The following RHOJ variants were observed in gnomAD, a reference collection of about 807,000 sequenced individuals.
RHOJ encodes rho-related GTP-binding protein RhoJ.
A neutral mutation model predicts 23.4 loss-of-function variants in RHOJ; 11 were observed. That is an observed-to-expected ratio of 0.47 (90% CI 0.30 to 0.78). The LOEUF (loss-of-function observed/expected upper bound fraction) is 0.78, where lower values mean the gene tolerates loss of function less well. Among genes scored for constraint, RHOJ ranks in the 30% least tolerant of loss-of-function variants. The pLI is 0.08. For missense variants in RHOJ, 254 were observed against 273.4 expected (o/e 0.93, Z 0.50); for synonymous variants, 102 against 102.7 (o/e 0.99, Z 0.04).
intron 1 of RHOJ, among the ~76,000 whole-genome samples, chr14:63,205,420 C>T (rs1894087719): frequency 6.6e-6 from 1 of 152,150 alleles, no homozygotes; most frequent in Admixed American, 6.5e-5. Context: ...AAAAGAATCA[C>T]CACTAGACAC....
At chr14:63,268,842 G>GTA (rs1383022788) in intron 1 of RHOJ, among the ~76,000 whole-genome samples, 1 of 152,220 alleles carries the variant, frequency 6.6e-6, no homozygotes, top group Non-Finnish European at 1.5e-5. Context: ...GGATCAGTGG[G>GTA]TAGCCCACAG....
At chr14:63,230,926 C>T (rs150704272) in intron 1 of RHOJ, among the ~76,000 whole-genome samples, 4,170 of 147,642 alleles carry the variant, frequency 0.028, 200 homozygotes, top group African/African-American at 0.1. Context: ...CTGCAACCTC[C>T]GCCTCCTGGG....
chr14:63,281,227 A>C lies in RHOJ; in HGVS notation c.402+92A>C, dbSNP rs1594777660. The stretch of plus-strand genomic sequence containing the variant: ...TGAACATCCTATTCTGCCAAACGCT[A>C]TGGAAGTGTGTCTCAGACATGTCAA... On this transcript the variant is annotated intron_variant, in intron 3 of 4. Coordinates refer to ENST00000316754, the MANE Select transcript of RHOJ (RefSeq NM_020663.5). 21 of 1,255,482 alleles carry C rather than the reference A, an allele frequency of 1.7e-5. No individual in the cohort carries two copies. In the East Asian group the frequency reaches 5.1e-4, roughly 30 times the overall value. The allele number at this position is 1,255,482 out of a possible 1,614,324, so 77.8% of individuals were successfully genotyped here. A position where few individuals can be genotyped will look rare whatever the true frequency, so the allele number is the denominator to read the frequency against.
intron 1 of RHOJ, among the ~76,000 whole-genome samples, chr14:63,224,414 G>T (rs1274623765): frequency 6.6e-6 from 1 of 152,106 alleles, no homozygotes; most frequent in Admixed American, 6.6e-5. Flanking sequence ...GGGTAGAAAT[G>T]CCTCCAAGCT....
chr14:63,206,809 C>T (rs572868577), intron 1 of RHOJ, among the ~76,000 whole-genome samples: 13 of 152,250 alleles, frequency 8.5e-5, no homozygotes, highest in African/African-American at 2.9e-4. Context: ...TTAAAGATTT[C>T]GGCTAGTCTA....
At chr14:63,239,367 C>T (rs958534375) in intron 1 of RHOJ, among the ~76,000 whole-genome samples, 2 of 152,170 alleles carry the variant, frequency 1.3e-5, no homozygotes, top group Non-Finnish European at 1.5e-5. Context: ...CCGCCTCAGC[C>T]TCCCAAAGTG....
chr14:63,220,715 T>C (rs1271768534), intron 1 of RHOJ, among the ~76,000 whole-genome samples: 1 of 152,178 alleles, frequency 6.6e-6, no homozygotes, highest in African/African-American at 2.4e-5. Flanking sequence ...ATGCGGTTCC[T>C]CAAGTAATTT....
chr14:63,240,645 CA>C (rs764779640), intron 1 of RHOJ, among the ~76,000 whole-genome samples: 2 of 151,510 alleles, frequency 1.3e-5, no homozygotes, highest in Non-Finnish European at 2.9e-5. Context: ...TGTCAAAATA[CA>C]AAAAAAAGCA....
rs572820638 is a variant in RHOJ, at chr14:63,249,143, G to T, written c.179-19967G>T. ...CTCAGGGCACTTCTAGGAAAGAAAA[G>T]AAGGCATGAAATTGATGCTGGAAGG... On this transcript the variant is annotated intron_variant, in intron 1 of 4. Coordinates refer to ENST00000316754, the MANE Select transcript of RHOJ (RefSeq NM_020663.5). Among the ~76,000 whole-genome samples the T allele has an allele frequency of 2.0e-5, 3 of 152,308 alleles. No homozygotes were observed. The East Asian group carries it at 5.8e-4, about 29-fold the overall frequency.
chr14:63,240,359 T>G (rs1894862108), intron 1 of RHOJ, among the ~76,000 whole-genome samples: 1 of 152,210 alleles, frequency 6.6e-6, no homozygotes. Context: ...GAGATACTAC[T>G]ATATTAGTTG....
intron 1 of RHOJ, among the ~76,000 whole-genome samples, chr14:63,237,839 C>T (rs1197600004): frequency 6.6e-6 from 1 of 152,182 alleles, no homozygotes; most frequent in Non-Finnish European, 1.5e-5. Flanking sequence ...GTCTTGTTAT[C>T]ACAGCACAGT....
At chr14:63,236,779 A>T (rs1212099286) in intron 1 of RHOJ, among the ~76,000 whole-genome samples, 1 of 151,950 alleles carries the variant, frequency 6.6e-6, no homozygotes, top group Non-Finnish European at 1.5e-5. Context: ...ACACACACAC[A>T]CACACACACA....
At chr14:63,275,950 T>C (rs718363) in intron 2 of RHOJ, among the ~76,000 whole-genome samples, 31,845 of 152,074 alleles carry the variant, frequency 0.21, 4,338 homozygotes, top group African/African-American at 0.38. Context: ...TCCTGACCCC[T>C]TTACCATATT....
At chr14:63,240,577 T>C (rs1004494436) in intron 1 of RHOJ, among the ~76,000 whole-genome samples, 1 of 152,128 alleles carries the variant, frequency 6.6e-6, no homozygotes, top group African/African-American at 2.4e-5. Flanking sequence ...AATATTTACA[T>C]TGAATATGTG....
chr14:63,255,796 A>C (rs1052978918), intron 1 of RHOJ, among the ~76,000 whole-genome samples: 2 of 152,064 alleles, frequency 1.3e-5, no homozygotes, highest in African/African-American at 2.4e-5. Flanking sequence ...CAACTCTACC[A>C]TGAACAGAAG....
chr14:63,265,104 G>A (rs920046233), intron 1 of RHOJ, among the ~76,000 whole-genome samples: 1 of 152,074 alleles, frequency 6.6e-6, no homozygotes, highest in African/African-American at 2.4e-5. Flanking sequence ...CTTTCTCAAG[G>A]CCAATGTTCA....
At chr14:63,247,108 C>G (rs1429567512) in intron 1 of RHOJ, among the ~76,000 whole-genome samples, 1 of 152,218 alleles carries the variant, frequency 6.6e-6, no homozygotes, top group African/African-American at 2.4e-5. Context: ...AGAAAGGAAT[C>G]TTGGCCTTGA....
chr14:63,266,085 G>T (rs1157709677), intron 1 of RHOJ, among the ~76,000 whole-genome samples: 1 of 152,132 alleles, frequency 6.6e-6, no homozygotes, highest in Non-Finnish European at 1.5e-5. Context: ...GAAAAGACAT[G>T]GAAAGGAAAA....
intron 1 of RHOJ, among the ~76,000 whole-genome samples, chr14:63,242,313 T>A (rs1894896485): frequency 6.6e-6 from 1 of 152,136 alleles, no homozygotes; most frequent in Non-Finnish European, 1.5e-5. Context: ...TCAAATGTAA[T>A]CCCATACTTG....
Sources: allele counts gnomAD v4.1 joint callset (sites outside exome capture counted in the v4.1 genomes callset), GRCh38; gene constraint gnomAD v4.1.1; transcripts MANE v1.5; gene names NCBI Gene and HGNC (gene_info 2026-07-23, HGNC 2026-07-21).